Variants in DLG1 observed in about 807,000 individuals in gnomAD.
The protein encoded by DLG1 is disks large homolog 1.
DLG1 carries 42 observed loss-of-function variants against 123.4 expected under a neutral mutation model. That is an observed-to-expected ratio of 0.34 (90% CI 0.27 to 0.44). The LOEUF is 0.44. Ranked by LOEUF, DLG1 falls within the 20% of genes least tolerant of loss-of-function variation. The pLI, the probability that DLG1 is intolerant of heterozygous loss-of-function variation, is 1.00. For missense variants in DLG1, 942 were observed against 1,082.6 expected (o/e 0.87, Z 1.82); for synonymous variants, 317 against 356.2 (o/e 0.89, Z 1.24).
chr3:197,085,834 G>C, intron 15 of DLG1, 78 bp from the exon 16 acceptor site: 1 of 1,323,418 alleles, frequency 7.6e-7, no homozygotes, highest in Non-Finnish European at 1.0e-6. Flanking sequence ...GAAAGTATAT[G>C]TAATTTGGGT....
chr3:197,280,714 T>C (rs1226929691), intron 4 of DLG1, among the ~76,000 whole-genome samples: 1 of 152,132 alleles, frequency 6.6e-6, no homozygotes, highest in Non-Finnish European at 1.5e-5. Context: ...GTATCATAAA[T>C]CGGACAATAA....
intron 4 of DLG1, among the ~76,000 whole-genome samples, chr3:197,201,792 T>A (rs1725869793): frequency 4.6e-5 from 7 of 151,960 alleles, no homozygotes. Flanking sequence ...AATACTAATA[T>A]CATTTTTCAC....
chr3:197,138,863 G>T (rs1231636190), intron 8 of DLG1, among the ~76,000 whole-genome samples: 1 of 151,930 alleles, frequency 6.6e-6, no homozygotes, highest in African/African-American at 2.4e-5. Flanking sequence ...ACTTTCCTAA[G>T]GCCACCCAGA....
chr3:197,273,055 T>C lies in DLG1; in HGVS notation c.318+9624A>G, dbSNP rs533505258. 4.6e-5 allele frequency among the ~76,000 whole-genome samples: 7 copies of C among 152,268 alleles called. No individual in the cohort carries two copies. In the South Asian group the frequency reaches 1.0e-3, roughly 23 times the overall value. ...ATGTTCTTTTTCTTGACCTGGTATA[T>C]TCACAATGCAGTAATTAATCAACCT... On this transcript the variant is annotated intron_variant, in intron 4 of 24. Transcript: ENST00000667157.
chr3:197,045,948 T>C (rs915029834), intron 24 of DLG1, among the ~76,000 whole-genome samples: 2 of 152,184 alleles, frequency 1.3e-5, no homozygotes, highest in African/African-American at 2.4e-5. Flanking sequence ...ATGATGTGCA[T>C]AGAAGAAAGA....
chr3:197,082,580 A>G (rs1578766878), intron 16 of DLG1, among the ~76,000 whole-genome samples: 1 of 152,182 alleles, frequency 6.6e-6, no homozygotes, highest in Non-Finnish European at 1.5e-5. Context: ...TAAATTGTCT[A>G]TATTTGTAAA....
intron 11 of DLG1, among the ~76,000 whole-genome samples, chr3:197,129,171 G>A (rs770634321): frequency 3.9e-5 from 6 of 152,202 alleles, no homozygotes; most frequent in Non-Finnish European, 8.8e-5. Flanking sequence ...CCAGTAGAAG[G>A]CTGTTTCATC....
intron 4 of DLG1, among the ~76,000 whole-genome samples, chr3:197,202,789 T>A (rs1726490100): frequency 1.3e-5 from 2 of 152,224 alleles, no homozygotes; most frequent in Admixed American, 6.5e-5. Context: ...GATGTGAGCA[T>A]TATTTCTGAA....
At chr3:197,183,694 C>T (rs777896488) in intron 5 of DLG1, 150 of 1,550,396 alleles carry the variant, frequency 9.7e-5, no homozygotes, top group Middle Eastern at 3.3e-4. Context: ...TCTGACGAGC[C>T]CTTTTTTGCC....
intron 4 of DLG1, among the ~76,000 whole-genome samples, chr3:197,251,156 G>A (rs898520366): frequency 2.6e-5 from 4 of 151,518 alleles, no homozygotes; most frequent in African/African-American, 9.7e-5. Context: ...AGGCCGAGGT[G>A]GGTGGACTGC....
At chr3:197,075,724 C>T in intron 18 of DLG1, 1 of 807,188 alleles carries the variant, frequency 1.2e-6, no homozygotes, top group East Asian at 2.7e-5. Context: ...CAATCTAAAT[C>T]ATACACCTCC....
chr3:197,219,736 G>C (rs1735958430), intron 4 of DLG1, among the ~76,000 whole-genome samples: 1 of 152,182 alleles, frequency 6.6e-6, no homozygotes, highest in African/African-American at 2.4e-5. Flanking sequence ...GAGACACAGC[G>C]GGGATATGCA....
chr3:197,224,962 T>C (rs1385899483), intron 4 of DLG1, among the ~76,000 whole-genome samples: 1 of 152,250 alleles, frequency 6.6e-6, no homozygotes, highest in Non-Finnish European at 1.5e-5. Context: ...TTGTTTTTAT[T>C]GTTGCTGTTG....
chr3:197,241,488 T>C (rs1748824356), intron 4 of DLG1, among the ~76,000 whole-genome samples: 1 of 152,138 alleles, frequency 6.6e-6, no homozygotes, highest in South Asian at 2.1e-4. Context: ...TAAAACCCAC[T>C]GGTAAAATTA....
chr3:197,067,179 T>C (rs547443134), intron 19 of DLG1, among the ~76,000 whole-genome samples: 1 of 152,160 alleles, frequency 6.6e-6, no homozygotes, highest in South Asian at 2.1e-4. Context: ...CCAACTACAA[T>C]ACTGAATACA....
intron 4 of DLG1, among the ~76,000 whole-genome samples, chr3:197,205,940 C>G (rs895333256): frequency 6.6e-6 from 1 of 152,212 alleles, no homozygotes; most frequent in Non-Finnish European, 1.5e-5. Context: ...TGTCATCTCT[C>G]GGATTCTGTT....
At chr3:197,140,290 G>A (rs1243728801) in intron 7 of DLG1, 26 bp from the exon 8 acceptor site, 3 of 1,608,676 alleles carry the variant, frequency 1.9e-6, no homozygotes, top group Non-Finnish European at 2.5e-6. Flanking sequence ...AAAAAATTGA[G>A]ACTGAATATG....
intron 4 of DLG1, among the ~76,000 whole-genome samples, chr3:197,258,185 T>C (rs578063564): frequency 1.1e-3 from 163 of 152,328 alleles, no homozygotes; most frequent in African/African-American, 3.7e-3. Context: ...TACATTTTCA[T>C]TTTCACTAAA....
chr3:197,167,715 A>G (rs889213722), intron 5 of DLG1, among the ~76,000 whole-genome samples: 1 of 152,218 alleles, frequency 6.6e-6, no homozygotes, highest in African/African-American at 2.4e-5. Context: ...AAGTGATATA[A>G]AAAACTGCAC....
Sources: gnomAD v4.1 joint callset for allele counts (sites outside exome capture counted in the v4.1 genomes callset) on GRCh38, gnomAD v4.1.1 for gene constraint, MANE v1.5 for transcripts, NCBI Gene and HGNC (gene_info 2026-07-23, HGNC 2026-07-21) for gene names.